The following CPEB1 variants were observed in gnomAD, a reference collection of about 807,000 sequenced individuals.
CPEB1 encodes the protein cytoplasmic polyadenylation element-binding protein 1.
Under a neutral mutation model 65.8 loss-of-function variants are expected in CPEB1, and 7 were observed. The ratio of observed to expected loss-of-function variants is 0.11; its 90% CI spans 0.06 to 0.20. The LOEUF is 0.20. Ranked by LOEUF, CPEB1 falls within the 10% of genes least tolerant of loss-of-function variation. CPEB1 has a pLI of 1.00. For missense variants in CPEB1, 551 were observed against 712.2 expected (o/e 0.77, Z 2.58); for synonymous variants, 262 against 260.0 (o/e 1.01, Z -0.08).
chr15:82,549,524 C>A lies in CPEB1; in HGVS notation c.1416G>T (p.Leu472Phe). Reference sequence around the variant, plus strand: ...ACACCACTCCACCAAATAGGTCGTTCAAGATGGCTGCCAGGGCCTCAGCAT... The same window carrying A: ...ACACCACTCCACCAAATAGGTCGTTAAAGATGGCTGCCAGGGCCTCAGCAT... ...MLNAEALAAI[L>F]NDLFGGVVYA... is the part of the protein sequence containing the mutation. Residue 472 changes from leucine (L) to phenylalanine (F), a missense_variant, in exon 10 of 13, where the codon TTG becomes TTT. Physicochemically the swap from Leu to Phe is conservative, Grantham distance 22. Around this residue, in one of 6 missense-constraint regions of CPEB1, gnomAD observed 98 missense variants for 157.6 expected, o/e 0.62. Transcript: ENST00000684509. 1 of 1,614,204 alleles carries A rather than the reference C, an allele frequency of 6.2e-7. No individual in the cohort carries two copies. The highest frequency in any genetic ancestry group is 8.5e-7 in the Non-Finnish European group (1 of 1,180,036).
At chr15:82,571,581 T>C (rs2040037630) in intron 3 of CPEB1, 49 bp from the exon 4 acceptor site, 2 of 1,568,518 alleles carry the variant, frequency 1.3e-6, no homozygotes, top group African/African-American at 1.4e-5. Context: ...AGGGCTGTTT[T>C]CCCCAATATT....
chr15:82,592,189 A>C (rs2042309503), intron 3 of CPEB1, among the ~76,000 whole-genome samples: 1 of 152,118 alleles, frequency 6.6e-6, no homozygotes, highest in Non-Finnish European at 1.5e-5. Context: ...TTGAATGGAT[A>C]TATATATGGG....
intron 3 of CPEB1, among the ~76,000 whole-genome samples, chr15:82,610,720 G>A (rs1207031101): frequency 6.6e-6 from 1 of 151,730 alleles, no homozygotes; most frequent in Non-Finnish European, 1.5e-5. Flanking sequence ...CACTTTGGGA[G>A]GCCAAGGCCG....
chr15:82,647,729 C>T (rs920959313), upstream of CPEB1: 4 of 871,388 alleles, frequency 4.6e-6, no homozygotes, highest in African/African-American at 5.3e-5. Context: ...GACCGCGCCC[C>T]GCCCGGGACT....
chr15:82,647,719 G>A (rs975099701), upstream of CPEB1: 4 of 747,494 alleles, frequency 5.4e-6, no homozygotes, highest in East Asian at 1.6e-4. Flanking sequence ...GCGGGCACGT[G>A]ACCGCGCCCC....
chr15:82,605,781 G>A, intron 3 of CPEB1, among the ~76,000 whole-genome samples: 1 of 152,180 alleles, frequency 6.6e-6, no homozygotes, highest in East Asian at 1.9e-4. Context: ...GCTCATGCCT[G>A]TAATCCTAGC....
In CPEB1 at chr15:82,571,532, T is replaced by C. The variant is rs2040025490; in HGVS notation, c.272A>G (p.Asp91Gly). 6.2e-7 allele frequency: 1 copy of C among 1,613,004 alleles called. No homozygotes were observed. Among genetic ancestry groups the C allele is most frequent in the South Asian group, 1.1e-5 (1 of 90,922 alleles). Residue 91 changes from aspartate to glycine, a missense_variant and splice_region_variant, in exon 4 of 13, where the codon GAC (aspartate) becomes GGC (glycine). Transcript: ENST00000684509. The stretch of plus-strand genomic sequence containing the variant: ...AACTGTTTCTTCAGAGTCCTGGAAG[T>C]CTGTTTTGGAAAGGAGCACAGCAGA... ...INRGIHDHLPDFQDSEETVTS... is the reference protein window; with the variant it reads ...INRGIHDHLPGFQDSEETVTS...
intron 3 of CPEB1, among the ~76,000 whole-genome samples, chr15:82,616,891 A>G (rs1228766100): frequency 6.6e-6 from 1 of 152,236 alleles, no homozygotes; most frequent in African/African-American, 2.4e-5. Flanking sequence ...ATGTATTCAA[A>G]GTGTAGAATT....
Position 82,547,734 on chromosome 15 carries a change from G to A in CPEB1, c.1481-497C>T, listed in dbSNP as rs138136376. Among the ~76,000 whole-genome samples the A allele has an allele frequency of 2.9e-3, 434 of 151,434 alleles. 2 individuals carry two copies. The highest frequency in any genetic ancestry group is 0.01 in the African/African-American group (418 of 41,276). On this transcript the variant is annotated intron_variant, in intron 10 of 12. Transcript: ENST00000684509. ...GTCACTCAGGCTGGAGTGTAATGGC[G>A]TGATCTCAGCTCACTGCAACCTCTG...
chr15:82,646,052 G>A (rs1263195237), intron 1 of CPEB1, among the ~76,000 whole-genome samples: 2 of 152,072 alleles, frequency 1.3e-5, no homozygotes, highest in East Asian at 3.9e-4. Flanking sequence ...AGCTCCACAA[G>A]CTTTTCTAAC....
chr15:82,577,044 A>C (rs911999252), intron 3 of CPEB1, among the ~76,000 whole-genome samples: 30 of 152,184 alleles, frequency 2.0e-4, no homozygotes, highest in Non-Finnish European at 8.8e-5. Flanking sequence ...GACTCCATTA[A>C]ATGAGGCATT....
At chr15:82,546,195 C>T (rs1802479396) in intron 12 of CPEB1, among the ~76,000 whole-genome samples, 2 of 152,108 alleles carry the variant, frequency 1.3e-5, no homozygotes. Context: ...CTGCAACCTC[C>T]GCCTCCTGGG....
chr15:82,590,279 A>AT (rs1424823632), intron 3 of CPEB1, among the ~76,000 whole-genome samples: 1 of 150,384 alleles, frequency 6.6e-6, no homozygotes, highest in Non-Finnish European at 1.5e-5. Context: ...AAACTCTGTA[A>AT]TTCAAGAAAG....
intron 3 of CPEB1, among the ~76,000 whole-genome samples, chr15:82,575,713 C>A (rs1410770032): frequency 1.3e-5 from 2 of 151,936 alleles, no homozygotes; most frequent in African/African-American, 4.8e-5. Flanking sequence ...TCAAAGAAAT[C>A]CAAGTTAAAA....
At chr15:82,549,950 G>A (rs772631992) in intron 9 of CPEB1, among the ~76,000 whole-genome samples, 1 of 152,158 alleles carries the variant, frequency 6.6e-6, no homozygotes, top group African/African-American at 2.4e-5. Context: ...AAACCCAGGA[G>A]CCCAGCATTC....
At chr15:82,607,847 G>A (rs1187851229) in intron 3 of CPEB1, among the ~76,000 whole-genome samples, 1 of 152,144 alleles carries the variant, frequency 6.6e-6, no homozygotes, top group African/African-American at 2.4e-5. Flanking sequence ...AAAACTGACA[G>A]AAATGATAGG....
intron 1 of CPEB1, among the ~76,000 whole-genome samples, chr15:82,630,828 A>G (rs1313656777): frequency 6.6e-6 from 1 of 152,142 alleles, no homozygotes; most frequent in Non-Finnish European, 1.5e-5. Context: ...TATAGGAGAG[A>G]AAATTGGAAA....
At chr15:82,622,946 T>C (rs1195851087) in intron 3 of CPEB1, among the ~76,000 whole-genome samples, 1 of 152,100 alleles carries the variant, frequency 6.6e-6, no homozygotes, top group Non-Finnish European at 1.5e-5. Context: ...CAGGGAAGGG[T>C]TGAGCTAATG....
chr15:82,603,068 C>T (rs2043257930), intron 3 of CPEB1, among the ~76,000 whole-genome samples: 1 of 152,040 alleles, frequency 6.6e-6, no homozygotes, highest in African/African-American at 2.4e-5. Flanking sequence ...ATAGCTGAAT[C>T]TTGGTAAGAA....
Sources: allele counts gnomAD v4.1 joint callset (sites outside exome capture counted in the v4.1 genomes callset), GRCh38; gene constraint gnomAD v4.1.1; regional missense constraint gnomAD v4.1.1; transcripts MANE v1.5; gene names NCBI Gene and HGNC (gene_info 2026-07-23, HGNC 2026-07-21).